The following SUPT20H variants were observed in gnomAD, a reference collection of about 807,000 sequenced individuals.
SUPT20H encodes SPT20 homolog, SAGA complex component.
A neutral mutation model predicts 122.8 loss-of-function variants in SUPT20H; 82 were observed. The observed-to-expected ratio is 0.67, with a 90% CI of 0.56 to 0.80. SUPT20H has a LOEUF of 0.80. Ranked by LOEUF, SUPT20H falls within the 30% of genes least tolerant of loss-of-function variation. The probability of loss-of-function intolerance (pLI) is 0.00; values close to 1 mark genes in which losing one functional copy is unlikely to be tolerated. For missense variants in SUPT20H, 831 were observed against 921.6 expected, an observed-to-expected ratio of 0.90 and a Z score of 1.27; for synonymous variants, 291 against 313.0, an observed-to-expected ratio of 0.93 and a Z score of 0.74.
chr13:37,028,404 G>T, intron 13 of SUPT20H, 99 bp from the exon 14 acceptor site: 1 of 1,097,080 alleles, frequency 9.1e-7, no homozygotes, highest in Non-Finnish European at 1.3e-6. Flanking sequence ...ACATGTATCT[G>T]ACGATAGGAA....
At chr13:37,034,982 CCTA>C (rs2064069599) in intron 9 of SUPT20H, among the ~76,000 whole-genome samples, 2 of 152,170 alleles carry the variant, frequency 1.3e-5, no homozygotes, top group African/African-American at 4.8e-5. Flanking sequence ...ACTGTAGAGA[CCTA>C]CTGCTCAGAA....
At chr13:37,026,092 T>C (rs2062210129) in intron 16 of SUPT20H, 112 bp downstream of exon 16, 1 of 825,402 alleles carries the variant, frequency 1.2e-6, no homozygotes, top group Non-Finnish European at 1.9e-6. Flanking sequence ...GTAAATATGG[T>C]TAACAGCATA....
At chr13:37,036,246 C>T (rs1196240773) in intron 9 of SUPT20H, among the ~76,000 whole-genome samples, 1 of 151,922 alleles carries the variant, frequency 6.6e-6, no homozygotes, top group Non-Finnish European at 1.5e-5. Context: ...AAACATAATG[C>T]TATGGCACCC....
chr13:37,040,245 AC>A, intron 9 of SUPT20H, 159 bp downstream of exon 9: 1 of 632,624 alleles, frequency 1.6e-6, no homozygotes, highest in Middle Eastern at 4.4e-4. Flanking sequence ...ATATAAAGAG[AC>A]CCTTAACTTC....
At position 37,024,402 on chromosome 13, in the gene SUPT20H, T is replaced by C. The variant is rs1412679497; in HGVS notation, c.1370A>G (p.Lys457Arg). The C allele has an allele frequency of 2.5e-6, 4 of 1,590,200 alleles. No individual in the cohort carries two copies. Among genetic ancestry groups the C allele is most frequent in the Admixed American group, 3.6e-5 (2 of 55,016 alleles). Residue 457 changes from lysine to arginine, a missense_variant, in exon 18 of 26, where the codon AAG (lysine) becomes AGG (arginine). Coordinates refer to ENST00000350612, the MANE Select transcript of SUPT20H (RefSeq NM_001014286.3). Reference protein sequence around the residue: ...TVSVQSSVLGKGVKHRPPPIK... With the variant: ...TVSVQSSVLGRGVKHRPPPIK... The stretch of plus-strand genomic sequence containing the variant: ...TGGTGGGGGTCGATGTTTTACACCC[T>C]TCCCCAATACCGAAGACTGAACTGA...
chr13:37,017,165 C>T (rs1275113463), intron 23 of SUPT20H, 80 bp downstream of exon 23: 12 of 1,588,436 alleles, frequency 7.6e-6, no homozygotes, highest in African/African-American at 1.3e-5. Flanking sequence ...ACTAACAAAG[C>T]AAATGAAGTA....
intron 13 of SUPT20H, among the ~76,000 whole-genome samples, chr13:37,028,754 A>C (rs1042763261): frequency 4.6e-5 from 7 of 151,890 alleles, no homozygotes; most frequent in Non-Finnish European, 8.8e-5. Context: ...TGAATTGCCT[A>C]GGGTCACACA....
chr13:37,029,099 T>C (rs1317802707), intron 13 of SUPT20H, among the ~76,000 whole-genome samples: 2 of 152,138 alleles, frequency 1.3e-5, no homozygotes, highest in South Asian at 2.1e-4. Context: ...TTTAAGACGT[T>C]ATTATTGCAA....
chr13:37,032,448 G>C (rs865895610), intron 10 of SUPT20H, among the ~76,000 whole-genome samples: 4 of 152,172 alleles, frequency 2.6e-5, no homozygotes, highest in African/African-American at 4.8e-5. Flanking sequence ...CCATCAAAGA[G>C]ATGTGGTCAC....
At chr13:37,052,199 A>G (rs1242871913) in intron 1 of SUPT20H, among the ~76,000 whole-genome samples, 1 of 152,198 alleles carries the variant, frequency 6.6e-6, no homozygotes, top group African/African-American at 2.4e-5. Flanking sequence ...TTCATGTGGA[A>G]CCAAAAAAGA....
At chr13:37,057,337 G>T (rs185880212) in intron 1 of SUPT20H, among the ~76,000 whole-genome samples, 203 of 151,836 alleles carry the variant, frequency 1.3e-3, no homozygotes, top group African/African-American at 4.6e-3. Flanking sequence ...GAAAACATTT[G>T]CTCTGAGACT....
At chr13:37,021,987 A>AT in intron 20 of SUPT20H, 24 bp downstream of exon 20, 1 of 1,532,280 alleles carries the variant, frequency 6.5e-7, no homozygotes, top group Non-Finnish European at 8.8e-7. Context: ...TAAAAAAAAA[A>AT]TCCGAACATC....
chr13:37,015,335 A>T (rs1040051998), intron 23 of SUPT20H, among the ~76,000 whole-genome samples: 11 of 151,916 alleles, frequency 7.2e-5, no homozygotes, highest in Admixed American at 2.0e-4. Flanking sequence ...AAAATGGGCA[A>T]GGGACCCAAA....
At chr13:37,055,691 C>T (rs2068799416) in intron 1 of SUPT20H, among the ~76,000 whole-genome samples, 1 of 152,200 alleles carries the variant, frequency 6.6e-6, no homozygotes, top group African/African-American at 2.4e-5. Flanking sequence ...CAATACCATT[C>T]AGGACATAGG....
chr13:37,020,621 T>G (rs1240169371), intron 21 of SUPT20H, among the ~76,000 whole-genome samples: 1 of 152,226 alleles, frequency 6.6e-6, no homozygotes, highest in African/African-American at 2.4e-5. Context: ...TTATGCTTAT[T>G]AAAATAAGAA....
At position 37,018,996 on chromosome 13, in the gene SUPT20H, A is replaced by T. The variant is rs560005842; in HGVS notation, c.1872+346T>A. Among the ~76,000 whole-genome samples, 10 of 152,312 alleles carry T rather than the reference A, an allele frequency of 6.6e-5. No homozygotes were observed. In the East Asian group the frequency reaches 1.9e-3, roughly 29 times the overall value. On this transcript the variant is annotated intron_variant, in intron 22 of 25. Coordinates refer to ENST00000350612, the MANE Select transcript of SUPT20H (RefSeq NM_001014286.3). ...CCTTCAAGCACAAAAAAAAACCAGT[A>T]TTACATATATGTATACATAAAACAT...
At position 37,050,034 on chromosome 13, in the gene SUPT20H, A is replaced by G. The variant is rs115050910; in HGVS notation, c.4-1435T>C. On this transcript the variant is annotated intron_variant, in intron 2 of 25. Transcript: ENST00000350612. ...CAAATACTGCCACCCTTTGGAAATC[A>G]TGGGAACTTTTAAGTGACCACCTAG... 4.0e-3 allele frequency among the ~76,000 whole-genome samples: 609 copies of G among 152,290 alleles called. 6 individuals carry two copies. Among genetic ancestry groups the G allele is most frequent in the African/African-American group, 0.014 (583 of 41,574 alleles).
At position 37,031,726 on chromosome 13, in the gene SUPT20H, T is replaced by C. The variant is rs981506116; in HGVS notation, c.864+13A>G. Reference sequence around the variant, plus strand: ...TGGGCATAATAAGCTTCATTTAAAATATATATACTTACATTTCCTGCCTTA... The same window carrying C: ...TGGGCATAATAAGCTTCATTTAAAACATATATACTTACATTTCCTGCCTTA... On this transcript the variant is annotated intron_variant, in intron 11 of 25. Transcript: ENST00000350612. 6.3e-7 allele frequency: 1 copy of C among 1,575,456 alleles called. No individual in the cohort carries two copies. The highest frequency in any genetic ancestry group is 1.2e-5 in the South Asian group (1 of 82,966).
rs1284221691 is a variant in SUPT20H at position 37,010,566 on chromosome 13, G to T, written c.2188C>A (p.Gln730Lys). 2 of 1,613,772 alleles carry T rather than the reference G, an allele frequency of 1.2e-6. No homozygotes were observed. The highest frequency in any genetic ancestry group is 3.3e-5 in the Admixed American group (2 of 59,962). ...FQLSSAFQQQQQQIQQLRFLQ... is the reference protein window; with the variant it reads ...FQLSSAFQQQKQQIQQLRFLQ... ...TGCTGGATTACTTGTATCTGTTGCT[G>T]CTGCTGTTGAAAGGCAGAGGAGAGC... Residue 730 changes from glutamine to lysine, a missense_variant, in exon 25 of 26, where the codon CAG (glutamine) becomes AAG (lysine). Gln to Lys is a moderately conservative substitution (Grantham distance 53, BLOSUM62 1). Coordinates refer to ENST00000350612, the MANE Select transcript of SUPT20H (RefSeq NM_001014286.3).
Sources: gnomAD v4.1 joint callset for allele counts (sites outside exome capture counted in the v4.1 genomes callset) on GRCh38, gnomAD v4.1.1 for gene constraint, MANE v1.5 for transcripts, NCBI Gene and HGNC (gene_info 2026-07-23, HGNC 2026-07-21) for gene names.